Variants in ATP13A4 observed in about 807,000 individuals in gnomAD.
ATP13A4 encodes ATPase 13A4.
Under a neutral mutation model 142.5 loss-of-function variants are expected in ATP13A4, and 114 were observed. The observed-to-expected ratio is 0.80, with a 90% CI of 0.69 to 0.93. The LOEUF is 0.93. Ranked by LOEUF, ATP13A4 falls within the 40% of genes least tolerant of loss-of-function variation. ATP13A4 has a pLI of 0.00. For synonymous variants in ATP13A4, 488 were observed against 514.8 expected (o/e 0.95, Z 0.70); for missense variants, 1,392 against 1,454.0 (o/e 0.96, Z 0.69).
At chr3:193,456,926 A>C in intron 16 of ATP13A4, 74 bp downstream of exon 16, 1 of 1,531,402 alleles carries the variant, frequency 6.5e-7, no homozygotes. Flanking sequence ...TTGAATTAAT[A>C]GATCAAATGC....
upstream of ATP13A4, among the ~76,000 whole-genome samples, chr3:193,556,976 TA>T (rs1723912334): frequency 6.6e-6 from 1 of 152,156 alleles, no homozygotes; most frequent in Admixed American, 6.6e-5. Context: ...GAGAAAGAAG[TA>T]ATTCATTCTC....
chr3:193,474,748 G>GAAA (rs1718862900), intron 8 of ATP13A4, among the ~76,000 whole-genome samples: 1 of 145,374 alleles, frequency 6.9e-6, no homozygotes, highest in African/African-American at 2.6e-5. Flanking sequence ...AAGAAAGAAA[G>GAAA]GAAAAAGAAA....
At chr3:193,522,371 C>T (rs750114099) in intron 1 of ATP13A4, among the ~76,000 whole-genome samples, 3 of 152,168 alleles carry the variant, frequency 2.0e-5, no homozygotes, top group Non-Finnish European at 4.4e-5. Context: ...TATTATGTTC[C>T]AGTCACCCTA....
chr3:193,410,376 G>A (rs1016363634), intron 28 of ATP13A4, among the ~76,000 whole-genome samples: 44 of 152,082 alleles, frequency 2.9e-4, no homozygotes, highest in Non-Finnish European at 5.9e-5. Context: ...ATATTTGAAA[G>A]AGAAAATATA....
Position 193,455,297 on chromosome 3 carries a change from C to T in ATP13A4, c.1916-1085G>A, listed in dbSNP as rs76084792. On this transcript the variant is annotated intron_variant, in intron 16 of 29. Coordinates refer to ENST00000342695, the MANE Select transcript of ATP13A4 (RefSeq NM_032279.4). ...CGGAGCTTGCAGTGAGCCGAGATTG[C>T]GCCACTGCACTCCAGCCTGGGCAAC... Among the ~76,000 whole-genome samples the T allele has an allele frequency of 4.2e-4, 60 of 143,758 alleles. 1 individual carries two copies. In the East Asian group the frequency reaches 9.4e-3, roughly 23 times the overall value. The allele number at this position is 143,758 out of a possible 152,430, so 94.3% of individuals were successfully genotyped here. A position where few individuals can be genotyped will look rare whatever the true frequency, so the allele number is the denominator to read the frequency against.
In ATP13A4 at chr3:193,433,896, A is replaced by G. The variant is rs1017779059; in HGVS notation, c.2791T>C (p.Tyr931His). 6.2e-7 allele frequency: 1 copy of G among 1,613,710 alleles called. No individual in the cohort carries two copies. Among genetic ancestry groups the G allele is most frequent in the Non-Finnish European group, 8.5e-7 (1 of 1,179,714 alleles). ...GCCAGATCCTGGAACAGAAACTGGT[A>G]ATTTGAAAGGCTGTTTGTCTCCTGA... ...LYWETNSLSNYQFLFQDLAIT... is the reference protein window; with the variant it reads ...LYWETNSLSNHQFLFQDLAIT... The change falls in exon 25 of 30, where the codon TAC (tyrosine) becomes CAC (histidine). Residue 931 changes from tyrosine to histidine, a missense_variant. Tyr to His is a moderately conservative substitution (Grantham distance 83). Coordinates refer to ENST00000342695, the MANE Select transcript of ATP13A4 (RefSeq NM_032279.4).
At chr3:193,452,900 T>G (rs1053061664) in intron 17 of ATP13A4, among the ~76,000 whole-genome samples, 2 of 151,984 alleles carry the variant, frequency 1.3e-5, no homozygotes, top group Non-Finnish European at 2.9e-5. Flanking sequence ...TTCTTTTGAA[T>G]TTTGCAGAAA....
chr3:193,413,463 G>A (rs1207059773), intron 26 of ATP13A4, among the ~76,000 whole-genome samples: 1 of 152,162 alleles, frequency 6.6e-6, no homozygotes, highest in African/African-American at 2.4e-5. Flanking sequence ...CTGCCTACAG[G>A]GTCAGGCAGA....
intron 1 of ATP13A4, among the ~76,000 whole-genome samples, chr3:193,587,507 C>T (rs1336256838): frequency 6.6e-6 from 1 of 152,196 alleles, no homozygotes; most frequent in Non-Finnish European, 1.5e-5. Context: ...CACTTAATCA[C>T]ATCTGCAAAG....
chr3:193,547,563 G>T (rs967925738), intron 1 of ATP13A4, among the ~76,000 whole-genome samples: 186 of 152,286 alleles, frequency 1.2e-3, no homozygotes, highest in Non-Finnish European at 8.5e-4. Context: ...CCAGGCAAAT[G>T]AAATGTCATC....
In ATP13A4 at chr3:193,457,474, C is replaced by CAAAT. The variant is rs112738403; in HGVS notation, c.1675-13_1675-10dup. The CAAAT allele has an allele frequency of 6.4e-3, 10,277 of 1,606,164 alleles. 222 individuals are homozygous for CAAAT. The African/African-American group carries it at 0.068, about 11-fold the overall frequency. On this transcript the variant is annotated splice_polypyrimidine_tract_variant and intron_variant, in intron 14 of 29. Transcript: ENST00000342695. ...CCAGAAAAAGCCATTTCCTATTTCA[C>CAAAT]AAATAGGATATTTCATTGCAGAGAT...
chr3:193,476,579 G>A (rs1397060593), intron 8 of ATP13A4, among the ~76,000 whole-genome samples: 1 of 152,020 alleles, frequency 6.6e-6, no homozygotes, highest in African/African-American at 2.4e-5. Context: ...TGGCTAACTG[G>A]TGCAAGAGTC....
At chr3:193,463,719 C>A (rs1258819995) in intron 12 of ATP13A4, among the ~76,000 whole-genome samples, 3 of 152,124 alleles carry the variant, frequency 2.0e-5, no homozygotes, top group Non-Finnish European at 4.4e-5. Flanking sequence ...AATTATCTCT[C>A]CCACTCCTGT....
At chr3:193,435,823 G>C in intron 23 of ATP13A4, 79 bp from the exon 24 acceptor site, 1 of 1,284,708 alleles carries the variant, frequency 7.8e-7, no homozygotes, top group Non-Finnish European at 1.1e-6. Flanking sequence ...GTTCAGCTAA[G>C]CTCAGGAGAA....
rs895157860 is a variant in ATP13A4 at position 193,577,828 on chromosome 3, T to G, written n.291+3879A>C. On this transcript the variant is annotated intron_variant and non_coding_transcript_variant, in intron 2 of 3. Transcript: ENST00000489140. ...CTAACATACAGAAGACTGTATCTCA[T>G]GATAACCTTTTCTTCCAGTGCTTTC... Among the ~76,000 whole-genome samples the G allele has an allele frequency of 1.3e-5, 2 of 152,230 alleles. 1 individual carries two copies. Among genetic ancestry groups the G allele is most frequent in the Admixed American group, 1.3e-4 (2 of 15,280 alleles).
intron 3 of ATP13A4, among the ~76,000 whole-genome samples, chr3:193,494,370 T>C (rs1308058390): frequency 2.6e-5 from 4 of 152,104 alleles, no homozygotes; most frequent in Non-Finnish European, 5.9e-5. Flanking sequence ...GAATAGATTA[T>C]ACATTAGGTC....
intron 22 of ATP13A4, 95 bp from the exon 23 acceptor site, chr3:193,438,679 G>T: frequency 4.6e-6 from 5 of 1,080,088 alleles, no homozygotes; most frequent in Non-Finnish European, 1.4e-6. Flanking sequence ...GCCACAAGGT[G>T]GTTTGTGTGC....
intron 2 of ATP13A4, among the ~76,000 whole-genome samples, chr3:193,564,461 G>A (rs79784097): frequency 9.4e-4 from 143 of 152,316 alleles, no homozygotes; most frequent in South Asian, 3.5e-3. Flanking sequence ...TGTTTATCAT[G>A]TAAGGTGGGA....
intron 17 of ATP13A4, among the ~76,000 whole-genome samples, chr3:193,453,853 A>G (rs926819242): frequency 1.3e-5 from 2 of 152,204 alleles, no homozygotes; most frequent in Non-Finnish European, 2.9e-5. Context: ...AACATCTTAT[A>G]TGACTATTTC....
Sources: gnomAD v4.1 joint callset for allele counts (sites outside exome capture counted in the v4.1 genomes callset) on GRCh38, gnomAD v4.1.1 for gene constraint, MANE v1.5 for transcripts, NCBI Gene and HGNC (gene_info 2026-07-23, HGNC 2026-07-21) for gene names.